AOAH: variants seen among roughly 807,000 people sequenced by gnomAD.
The protein encoded by AOAH is acyloxyacyl hydrolase (neutrophil).
A neutral mutation model predicts 92.2 loss-of-function variants in AOAH; 64 were observed. The ratio of observed to expected loss-of-function variants is 0.69; its 90% CI spans 0.57 to 0.86. The LOEUF is 0.86. Among genes scored for constraint, AOAH ranks in the 40% least tolerant of loss-of-function variants. AOAH has a pLI of 0.00. For synonymous variants in AOAH, 263 were observed against 254.5 expected, an observed-to-expected ratio of 1.03 and a Z score of -0.32; for missense variants, 656 against 694.6, an observed-to-expected ratio of 0.94 and a Z score of 0.62.
At chr7:36,664,175 A>G (rs1795398861) in intron 3 of AOAH, among the ~76,000 whole-genome samples, 2 of 152,070 alleles carry the variant, frequency 1.3e-5, no homozygotes, top group African/African-American at 4.8e-5. Context: ...TATTTGTACT[A>G]TGTAAAAAGT....
chr7:36,634,865 A>G (rs1793411241), intron 5 of AOAH, among the ~76,000 whole-genome samples: 1 of 152,236 alleles, frequency 6.6e-6, no homozygotes, highest in South Asian at 2.1e-4. Context: ...GAATACTATT[A>G]TATAATTGCA....
intron 3 of AOAH, among the ~76,000 whole-genome samples, chr7:36,673,486 G>A (rs1018151298): frequency 4.0e-5 from 6 of 151,886 alleles, no homozygotes; most frequent in Admixed American, 2.6e-4. Flanking sequence ...GCAGTGAGCC[G>A]AGATCACACC....
chr7:36,633,774 A>G (rs965207599), intron 5 of AOAH, among the ~76,000 whole-genome samples: 1 of 152,146 alleles, frequency 6.6e-6, no homozygotes, highest in Non-Finnish European at 1.5e-5. Context: ...GGCCTGGAGA[A>G]GGATCATTTG....
chr7:36,706,600 C>T (rs1798426867), intron 1 of AOAH, among the ~76,000 whole-genome samples: 1 of 152,176 alleles, frequency 6.6e-6, no homozygotes, highest in African/African-American at 2.4e-5. Flanking sequence ...GACTTCTCCT[C>T]TCTAGCTATG....
Position 36,656,706 on chromosome 7 carries a change from C to CT in AOAH, c.390+2459dup, listed in dbSNP as rs1043123188. On this transcript the variant is annotated intron_variant, in intron 4 of 20. Coordinates refer to ENST00000617537, the MANE Select transcript of AOAH (RefSeq NM_001637.4). ...TAAAGTTTGTTTACGTTTTTTATGA[C>CT]TTTTTTTTGTGCGACCTTCCCCTGT... Among the ~76,000 whole-genome samples, 6 of 151,160 alleles carry CT rather than the reference C, an allele frequency of 4.0e-5. No homozygotes were observed. In the East Asian group the frequency reaches 5.8e-4, roughly 15 times the overall value.
intron 5 of AOAH, among the ~76,000 whole-genome samples, chr7:36,633,597 G>C (rs934615141): frequency 7.9e-5 from 12 of 152,150 alleles, no homozygotes. Flanking sequence ...AGGGAGAATC[G>C]GAATGGCAGA....
At position 36,532,276 on chromosome 7, in the gene AOAH, G is replaced by C. The variant is rs1784740527; in HGVS notation, c.1365+10C>G. The C allele has an allele frequency of 6.2e-7, 1 of 1,614,114 alleles. No individual in the cohort carries two copies. Among genetic ancestry groups the C allele is most frequent in the Non-Finnish European group, 8.5e-7 (1 of 1,179,964 alleles). Reference sequence around the variant, plus strand: ...TAAGCGGGCCTTGAAGCAAGCCAGTGAGTGCTCACCTGGAGGCAGTTCAGG... The same window carrying C: ...TAAGCGGGCCTTGAAGCAAGCCAGTCAGTGCTCACCTGGAGGCAGTTCAGG... On this transcript the variant is annotated intron_variant, in intron 17 of 20. Coordinates refer to ENST00000617537, the MANE Select transcript of AOAH (RefSeq NM_001637.4).
intron 3 of AOAH, among the ~76,000 whole-genome samples, chr7:36,669,958 G>A (rs1047661292): frequency 1.3e-5 from 2 of 152,170 alleles, no homozygotes; most frequent in Admixed American, 1.3e-4. Flanking sequence ...CACACAGAGG[G>A]GACCCAGCTG....
rs535341044 is a variant in AOAH at position 36,554,543 on chromosome 7, C to G, written c.1022-5068G>C. Among the ~76,000 whole-genome samples, 8 of 152,204 alleles carry G rather than the reference C, an allele frequency of 5.3e-5. No homozygotes were observed. The East Asian group carries it at 7.7e-4, about 15-fold the overall frequency. ...AAGAAAGTCATTGGTAGCTTGATGG[C>G]GATGGCATTGAATCTACAAATTGCC... is the stretch of plus-strand genomic sequence containing the variant. On this transcript the variant is annotated intron_variant, in intron 13 of 20. Transcript: ENST00000617537.
intron 15 of AOAH, among the ~76,000 whole-genome samples, chr7:36,543,953 T>C (rs1306578892): frequency 7.2e-6 from 1 of 138,768 alleles, no homozygotes; most frequent in African/African-American, 2.7e-5. Context: ...CTTTCTTTTT[T>C]TTTTTTTTTT....
At chr7:36,637,969 T>A in intron 4 of AOAH, 59 bp from the exon 5 acceptor site, 1 of 1,369,794 alleles carries the variant, frequency 7.3e-7, no homozygotes, top group Non-Finnish European at 1.0e-6. Context: ...TTCCTACATC[T>A]TTTCTAAAAT....
intron 20 of AOAH, 152 bp from the exon 21 acceptor site, chr7:36,513,532 G>A (rs1790164806): frequency 2.7e-6 from 2 of 742,956 alleles, no homozygotes; most frequent in Admixed American, 2.8e-5. Flanking sequence ...TTCCCTTGCT[G>A]GCGGTGGGAC....
chr7:36,555,390 T>C (rs894655288), intron 13 of AOAH, among the ~76,000 whole-genome samples: 11 of 152,174 alleles, frequency 7.2e-5, no homozygotes, highest in African/African-American at 2.4e-4. Context: ...GGTCTGCCAG[T>C]ATTTTATTGA....
At position 36,516,292 on chromosome 7, in the gene AOAH, AC is replaced by A. The variant is rs527487865; in HGVS notation, c.1600-2913del. Among the ~76,000 whole-genome samples, 310 of 135,298 alleles carry A rather than the reference AC, an allele frequency of 2.3e-3. No homozygotes were observed. Among genetic ancestry groups the A allele is most frequent in the African/African-American group, 8.0e-3 (287 of 36,030 alleles). The allele number at this position is 135,298 out of a possible 152,430, so 88.8% of individuals were successfully genotyped here. ...CCACATACACATATAACATACACAC[AC>A]CCCCCCACACAGATACCACACACAC... is the stretch of plus-strand genomic sequence containing the variant. On this transcript the variant is annotated intron_variant, in intron 20 of 20. Coordinates refer to ENST00000617537, the MANE Select transcript of AOAH (RefSeq NM_001637.4). This position sits in a 1 kb window ranked among gnomAD's most constrained non-coding sequence, Gnocchi z 5.0.
In AOAH at chr7:36,514,751, A is replaced by G. The variant is rs192476853; in HGVS notation, c.1600-1371T>C. On this transcript the variant is annotated intron_variant, in intron 20 of 20. Transcript: ENST00000617537. ...TTGTTCGGGAAGGATGCTCAGGGAT[A>G]TCCCTGACTTTTCCCCACAGGGCAG... 1.5e-3 allele frequency: 879 copies of G among 600,064 alleles called. 2 individuals are homozygous for G. The highest frequency in any genetic ancestry group is 6.9e-3 in the African/African-American group (371 of 53,774). 37.2% of individuals were successfully genotyped at this position (600,064 alleles called of 1,614,324 possible).
intron 13 of AOAH, among the ~76,000 whole-genome samples, chr7:36,559,400 T>C (rs558678216): frequency 1.3e-5 from 2 of 152,312 alleles, no homozygotes; most frequent in Admixed American, 1.3e-4. Context: ...TGCAGCCATG[T>C]CAGCATCTGT....
At chr7:36,664,035 A>G (rs192500585) in intron 3 of AOAH, among the ~76,000 whole-genome samples, 72 of 83,848 alleles carry the variant, frequency 8.6e-4, no homozygotes, top group Non-Finnish European at 1.3e-3. Context: ...TAAGATCGTT[A>G]ATTTTAGGTT....
chr7:36,533,374 C>T (rs1784811172), intron 16 of AOAH, among the ~76,000 whole-genome samples: 1 of 152,090 alleles, frequency 6.6e-6, no homozygotes, highest in South Asian at 2.1e-4. Context: ...TTCACTTATA[C>T]CTCTGATTAG....
At chr7:36,588,677 T>C (rs930541780) in intron 12 of AOAH, among the ~76,000 whole-genome samples, 10 of 152,198 alleles carry the variant, frequency 6.6e-5, no homozygotes, top group Non-Finnish European at 1.2e-4. Flanking sequence ...CTTGGTTCAG[T>C]GTTATACACT....
Sources: allele counts gnomAD v4.1 joint callset (sites outside exome capture counted in the v4.1 genomes callset), GRCh38; gene constraint gnomAD v4.1.1; non-coding constraint Gnocchi (gnomAD v3.1); transcripts MANE v1.5; gene names NCBI Gene and HGNC (gene_info 2026-07-23, HGNC 2026-07-21).